SQOR: variants seen among roughly 807,000 people sequenced by gnomAD.
SQOR encodes the protein sulfide:quinone oxidoreductase, mitochondrial.
In SQOR, 39 loss-of-function variants were observed where a neutral mutation model predicts 48.6. The observed-to-expected ratio is 0.80, with a 90% CI of 0.62 to 1.05. SQOR has a LOEUF of 1.05. SQOR is among the 50% of genes least tolerant of loss of function. SQOR has a pLI of 0.00. For missense variants in SQOR, 561 were observed against 559.9 expected (o/e 1.00, Z -0.02); for synonymous variants, 220 against 206.2 (o/e 1.07, Z -0.57).
intron 1 of SQOR, among the ~76,000 whole-genome samples, chr15:45,646,362 G>A (rs2140939944): frequency 6.6e-6 from 1 of 152,318 alleles, no homozygotes; most frequent in South Asian, 2.1e-4. Flanking sequence ...GTCAGAAAAA[G>A]AATTCATGCT....
chr15:45,645,011 A>C (rs963345192), intron 1 of SQOR, among the ~76,000 whole-genome samples: 4 of 152,116 alleles, frequency 2.6e-5, no homozygotes, highest in African/African-American at 7.2e-5. Flanking sequence ...GATTAGCAAG[A>C]CCCCAAAATG....
intron 1 of SQOR, among the ~76,000 whole-genome samples, chr15:45,650,934 G>A (rs969175756): frequency 6.6e-6 from 1 of 152,236 alleles, no homozygotes; most frequent in Non-Finnish European, 1.5e-5. Flanking sequence ...CCTGACTCAG[G>A]AGCCCAGCTG....
At chr15:45,639,007 T>C (rs949178602) in intron 1 of SQOR, among the ~76,000 whole-genome samples, 2 of 152,198 alleles carry the variant, frequency 1.3e-5, no homozygotes, top group East Asian at 1.9e-4. Context: ...ATCTAGTCTA[T>C]AGTGTTTTGT....
chr15:45,655,688 T>TTTC lies in SQOR; in HGVS notation c.-17-3217_-17-3216insCTT, dbSNP rs1671630574. Reference sequence around the variant, plus strand: ...AAGTTGTAGAAAGTATATCTTTTTTTTTTTTTTCTTTTTGAGACAGAGTCT... The same window carrying TTTC: ...AAGTTGTAGAAAGTATATCTTTTTTTTTCTTTTTTTCTTTTTGAGACAGAGTCT... On this transcript the variant is annotated intron_variant, in intron 1 of 9. Coordinates refer to ENST00000260324, the MANE Select transcript of SQOR (RefSeq NM_021199.4). Among the ~76,000 whole-genome samples the TTTC allele has an allele frequency of 2.0e-5, 3 of 151,388 alleles. No homozygotes were observed. The South Asian group carries it at 6.3e-4, about 32-fold the overall frequency.
At chr15:45,676,017 G>A in intron 5 of SQOR, 84 bp from the exon 6 acceptor site, 2 of 1,351,196 alleles carry the variant, frequency 1.5e-6, no homozygotes, top group Non-Finnish European at 2.0e-6. Context: ...TCCCTGCTGA[G>A]GGTTTTAATT....
chr15:45,661,290 TAAA>T (rs34286267), intron 2 of SQOR, among the ~76,000 whole-genome samples: 2 of 67,526 alleles, frequency 3.0e-5, no homozygotes, highest in Non-Finnish European at 2.8e-5. Context: ...GACTCTGTCT[TAAA>T]AAAAAAAAAA....
intron 5 of SQOR, among the ~76,000 whole-genome samples, chr15:45,674,642 CA>C (rs1277715049): frequency 6.6e-6 from 1 of 151,962 alleles, no homozygotes; most frequent in Non-Finnish European, 1.5e-5. Context: ...ATTTAAAAAG[CA>C]AAAAAATGTT....
At chr15:45,665,105 G>A (rs1595502140) in intron 3 of SQOR, among the ~76,000 whole-genome samples, 1 of 152,080 alleles carries the variant, frequency 6.6e-6, no homozygotes, top group African/African-American at 2.4e-5. Context: ...TAGAGCCTTC[G>A]GTGGTTGGGT....
intron 7 of SQOR, among the ~76,000 whole-genome samples, chr15:45,683,893 T>A (rs1164974705): frequency 1.6e-5 from 1 of 62,388 alleles, no homozygotes; most frequent in Non-Finnish European, 6.0e-5. Flanking sequence ...TATATATATT[T>A]TTGTTTGTTT....
At chr15:45,670,962 G>T (rs1283207515) in intron 4 of SQOR, among the ~76,000 whole-genome samples, 1 of 152,208 alleles carries the variant, frequency 6.6e-6, no homozygotes, top group Non-Finnish European at 1.5e-5. Context: ...GGCCCCCACA[G>T]TGTTGACCTA....
chr15:45,660,553 C>G (rs943171341), intron 2 of SQOR, among the ~76,000 whole-genome samples: 1 of 152,180 alleles, frequency 6.6e-6, no homozygotes, highest in Non-Finnish European at 1.5e-5. Context: ...TGTCCTGCCC[C>G]GTGAGGAAGT....
chr15:45,665,523 C>A (rs1595502287), intron 3 of SQOR, among the ~76,000 whole-genome samples: 1 of 107,254 alleles, frequency 9.3e-6, no homozygotes, highest in South Asian at 3.8e-4. Context: ...TTAGATTGCA[C>A]AAAATTAGTC....
rs558592645 is a variant in SQOR, at chr15:45,685,106, A to G, written c.1048+2445A>G. ...AGTAATTGCGGTTTTTGCCATTAAG[A>G]GTAATGTCTCTAAATTTTTGCCATT... On this transcript the variant is annotated intron_variant, in intron 7 of 9. Coordinates refer to ENST00000260324, the MANE Select transcript of SQOR (RefSeq NM_021199.4). Among the ~76,000 whole-genome samples the G allele has an allele frequency of 2.3e-4, 35 of 152,284 alleles. 1 individual carries two copies. In the South Asian group the frequency reaches 7.1e-3, roughly 31 times the overall value.
chr15:45,650,878 G>A (rs1039485724), intron 1 of SQOR, among the ~76,000 whole-genome samples: 1 of 152,214 alleles, frequency 6.6e-6, no homozygotes, highest in Non-Finnish European at 1.5e-5. Context: ...ACTGATTGGT[G>A]CCTTTACAAA....
At chr15:45,670,376 C>T (rs977978167) in intron 4 of SQOR, among the ~76,000 whole-genome samples, 2 of 152,100 alleles carry the variant, frequency 1.3e-5, no homozygotes, top group African/African-American at 4.8e-5. Context: ...GGTGGAACAC[C>T]AGCAGTTAGC....
intron 7 of SQOR, among the ~76,000 whole-genome samples, chr15:45,683,319 G>A (rs111261238): frequency 6.6e-4 from 101 of 152,278 alleles, no homozygotes; most frequent in African/African-American, 2.2e-3. Context: ...CATAAAGCTC[G>A]AGGAGCATTT....
intron 1 of SQOR, among the ~76,000 whole-genome samples, chr15:45,651,570 C>T: frequency 6.6e-6 from 1 of 152,282 alleles, no homozygotes; most frequent in South Asian, 2.1e-4. Flanking sequence ...TCACCTCTCA[C>T]TACCTCAGCC....
chr15:45,667,941 C>CTTTTTTTTTTT (rs1204451548), intron 3 of SQOR, among the ~76,000 whole-genome samples: 12 of 103,278 alleles, frequency 1.2e-4, no homozygotes, highest in East Asian at 3.1e-4. Flanking sequence ...TTCTTTCTTT[C>CTTTTTTTTTTT]TTTTTTTTTT....
chr15:45,634,198 C>CAACAACTATATATATATA (rs575224025), upstream of SQOR, among the ~76,000 whole-genome samples: 1 of 43,866 alleles, frequency 2.3e-5, no homozygotes, highest in Admixed American at 2.4e-4. Context: ...ACAACAACAA[C>CAACAACTATATATATATA]TATATATATA....
Sources: gnomAD v4.1 joint callset for allele counts (sites outside exome capture counted in the v4.1 genomes callset) on GRCh38, gnomAD v4.1.1 for gene constraint, MANE v1.5 for transcripts, NCBI Gene and HGNC (gene_info 2026-07-23, HGNC 2026-07-21) for gene names.